HEATR4: variants seen among roughly 807,000 people sequenced by gnomAD.
The protein encoded by HEATR4 is HEAT repeat-containing protein 4.
HEATR4 carries 95 observed loss-of-function variants against 108.8 expected under a neutral mutation model. The observed-to-expected ratio is 0.87, with a 90% CI of 0.74 to 1.04. The LOEUF is 1.04. Among genes scored for constraint, HEATR4 ranks in the 50% least tolerant of loss-of-function variants. The pLI is 0.00. For missense variants in HEATR4, 1,152 were observed against 1,253.8 expected (o/e 0.92, Z 1.23); for synonymous variants, 443 against 459.4 (o/e 0.96, Z 0.46).
At chr14:73,578,564 T>G in the HEATR4 span, among the ~76,000 whole-genome samples, 1 of 152,086 alleles carries the variant, frequency 6.6e-6, no homozygotes, top group Non-Finnish European at 1.5e-5. Context: ...CAGGCATTTT[T>G]CTTTTTATTT....
chr14:73,537,834 C>T, intron 1 of HEATR4: 1 of 1,209,312 alleles, frequency 8.3e-7, no homozygotes, highest in Middle Eastern at 2.6e-4. Context: ...CGGCGCGAGC[C>T]GGTGCGCGCG....
At chr14:73,568,607 A>C in the HEATR4 span, among the ~76,000 whole-genome samples, 1 of 151,766 alleles carries the variant, frequency 6.6e-6, no homozygotes, top group African/African-American at 2.4e-5. Flanking sequence ...ACAATAATTG[A>C]GAAACCAGTA....
chr14:73,478,879 A>G (rs760985182), intron 17 of HEATR4, 37 bp from the exon 18 acceptor site: 4 of 1,507,944 alleles, frequency 2.7e-6, no homozygotes, highest in South Asian at 2.4e-5. Context: ...GCATATGCCA[A>G]ACGTGTCTCA....
At chr14:73,631,009 A>G in the HEATR4 span, among the ~76,000 whole-genome samples, 3 of 152,212 alleles carry the variant, frequency 2.0e-5, no homozygotes, top group African/African-American at 7.2e-5. Context: ...CTTTTCAAAG[A>G]AAACAGGGTT....
At chr14:73,498,570 T>C (rs1428282594) in intron 13 of HEATR4, among the ~76,000 whole-genome samples, 8 of 152,110 alleles carry the variant, frequency 5.3e-5, no homozygotes, top group African/African-American at 1.7e-4. Context: ...TGGGATGAAA[T>C]ATAGAACAAA....
At chr14:73,479,850 C>G (rs943908438) in intron 17 of HEATR4, among the ~76,000 whole-genome samples, 14 of 152,114 alleles carry the variant, frequency 9.2e-5, no homozygotes, top group Non-Finnish European at 1.9e-4. Flanking sequence ...GCTGAGATTA[C>G]AGGCGTGAGC....
intron 17 of HEATR4, among the ~76,000 whole-genome samples, chr14:73,485,501 C>T (rs1372245152): frequency 4.6e-5 from 7 of 151,608 alleles, no homozygotes; most frequent in Non-Finnish European, 1.0e-4. Flanking sequence ...ATCCCAGGCT[C>T]AAGCCATCCT....
At position 73,536,287 on chromosome 14, in the gene HEATR4, T is replaced by C. The variant is rs1312370156; in HGVS notation, c.-151-6043A>G. Among the ~76,000 whole-genome samples the C allele has an allele frequency of 8.6e-5, 9 of 104,668 alleles. 3 individuals carry two copies. Among genetic ancestry groups the C allele is most frequent in the Non-Finnish European group, 1.2e-4 (6 of 50,814 alleles). 68.7% of individuals were successfully genotyped at this position (104,668 alleles called of 152,430 possible). On this transcript the variant is annotated intron_variant, in intron 1 of 17. Coordinates refer to ENST00000553558, the MANE Select transcript of HEATR4 (RefSeq NM_001220484.1). ...CAGGTACAAGGGCTTGGGAGGGGCCTAAAGCTTAAGTTTGATGAAAAAAAA... is the reference window on the plus strand; with the variant it reads ...CAGGTACAAGGGCTTGGGAGGGGCCCAAAGCTTAAGTTTGATGAAAAAAAA...
chr14:73,512,064 G>C lies in HEATR4; in HGVS notation c.1500C>G (p.Thr500=). ...GTTCCAAAGCAGCTGTGGCACATGT[G>C]GTGATAGCTTTGATCCGAACGTCAT... The part of the protein sequence containing the change: ...LHDDVRIKAI[T]TCATAALERP... Residue 500 remains threonine (T), a synonymous_variant, in exon 7 of 18, where the codon ACC becomes ACG. Transcript: ENST00000553558. The C allele has an allele frequency of 6.2e-7, 1 of 1,614,122 alleles. No individual in the cohort carries two copies. The highest frequency in any genetic ancestry group is 8.5e-7 in the Non-Finnish European group (1 of 1,180,016).
intron 5 of HEATR4, among the ~76,000 whole-genome samples, chr14:73,515,271 C>T (rs1887524491): frequency 1.3e-5 from 2 of 152,118 alleles, no homozygotes; most frequent in African/African-American, 4.8e-5. Context: ...CACTATCAGC[C>T]ATTTCTGTTT....
chr14:73,580,836 G>C, the HEATR4 span: 1 of 151,974 alleles, frequency 6.6e-6, no homozygotes, highest in Non-Finnish European at 1.5e-5. Flanking sequence ...ACATTCTGAG[G>C]GTGTATTTCA....
the HEATR4 span, among the ~76,000 whole-genome samples, chr14:73,594,792 C>G: frequency 1.3e-5 from 2 of 152,158 alleles, no homozygotes; most frequent in Non-Finnish European, 2.9e-5. Context: ...CCTCCGCCTC[C>G]TGGGCTCAAG....
At chr14:73,498,377 G>T in intron 13 of HEATR4, 33 bp from the exon 14 acceptor site, 1 of 1,536,800 alleles carries the variant, frequency 6.5e-7, no homozygotes, top group Middle Eastern at 1.7e-4. Flanking sequence ...TGTCACTGAA[G>T]ACTGAGCTTA....
At chr14:73,489,749 A>T (rs1885599143) in intron 17 of HEATR4, among the ~76,000 whole-genome samples, 1 of 152,240 alleles carries the variant, frequency 6.6e-6, no homozygotes, top group South Asian at 2.1e-4. Flanking sequence ...TAGCTAAAGA[A>T]ACAAAATCCC....
rs943428121 is a variant in HEATR4 at position 73,520,910 on chromosome 14, G to T, written c.1011C>A (p.Pro337=). Reference sequence around the variant, plus strand: ...TGGAGTAGGCAAACTTTCCAGCTCGGGGAGTCACCTGGCGAAAGTAGCTCT... The same window carrying T: ...TGGAGTAGGCAAACTTTCCAGCTCGTGGAGTCACCTGGCGAAAGTAGCTCT... ...QTQSYFRQVT[P]RAGKFAYSTD... is the part of the protein sequence containing the mutation. Residue 337 remains proline, a synonymous_variant, in exon 4 of 18, where the codon CCC becomes CCA. Transcript: ENST00000553558. 2 of 1,613,952 alleles carry T rather than the reference G, an allele frequency of 1.2e-6. No homozygotes were observed. The highest frequency in any genetic ancestry group is 1.7e-6 in the Non-Finnish European group (2 of 1,180,040).
chr14:73,612,862 C>T, the HEATR4 span: 4 of 1,405,266 alleles, frequency 2.8e-6, no homozygotes, highest in Admixed American at 7.1e-5. Context: ...TGAAGCGCGA[C>T]GTGCGGACGC....
At chr14:73,518,861 T>C (rs1887798433) in intron 5 of HEATR4, among the ~76,000 whole-genome samples, 162 bp downstream of exon 5, 1 of 152,162 alleles carries the variant, frequency 6.6e-6, no homozygotes. Context: ...TATTTTATAA[T>C]TTTGTGAGAT....
At chr14:73,527,755 A>G (rs1048136319) in intron 2 of HEATR4, among the ~76,000 whole-genome samples, 26 of 152,006 alleles carry the variant, frequency 1.7e-4, no homozygotes, top group African/African-American at 5.5e-4. Flanking sequence ...AGGCAGGTGG[A>G]TCACCTGAGA....
intron 5 of HEATR4, among the ~76,000 whole-genome samples, chr14:73,516,782 T>C (rs1408359270): frequency 1.3e-5 from 2 of 152,224 alleles, no homozygotes; most frequent in Non-Finnish European, 2.9e-5. Context: ...TCACGTAGCA[T>C]GAACCTTACT....
Sources: gnomAD v4.1 joint callset for allele counts (sites outside exome capture counted in the v4.1 genomes callset) on GRCh38, gnomAD v4.1.1 for gene constraint, MANE v1.5 for transcripts, NCBI Gene and HGNC (gene_info 2026-07-23, HGNC 2026-07-21) for gene names.